The following CACNG1 variants were observed in gnomAD, a reference collection of about 807,000 sequenced individuals.
CACNG1 encodes voltage-dependent calcium channel gamma-1 subunit.
A neutral mutation model predicts 22.0 loss-of-function variants in CACNG1; 21 were observed. That is an observed-to-expected ratio of 0.95 (90% CI 0.68 to 1.37). CACNG1 has a LOEUF of 1.37. Among genes scored for constraint, CACNG1 ranks in the 40% most tolerant of loss-of-function variants. CACNG1 has a pLI of 0.00. For synonymous variants in CACNG1, 127 were observed against 129.2 expected (o/e 0.98, Z 0.12); for missense variants, 291 against 308.6 (o/e 0.94, Z 0.43).
In CACNG1 at chr17:67,054,147, T is replaced by C. The variant is rs2035744350; in HGVS notation, c.304+77T>C. On this transcript the variant is annotated intron_variant, in intron 2 of 3. Coordinates refer to ENST00000226021, the MANE Select transcript of CACNG1 (RefSeq NM_000727.4). The surrounding 1 kb of genome is among the most constrained non-coding windows in gnomAD (Gnocchi z 4.6). ...GTGCACCACTGGGCCAGAAAGTCAT[T>C]GGCAAAAGCACTGACTTCCTCACGC... 2.5e-6 allele frequency: 3 copies of C among 1,182,226 alleles called. No individual in the cohort carries two copies. Among genetic ancestry groups the C allele is most frequent in the African/African-American group, 3.0e-5 (2 of 66,504 alleles). 73.2% of individuals were successfully genotyped at this position (1,182,226 alleles called of 1,614,324 possible). A position where few individuals can be genotyped will look rare whatever the true frequency, so the allele number is the denominator to read the frequency against.
rs139913144 is a variant in CACNG1, at chr17:67,044,874, A to G, written c.214A>G (p.Ile72Val). 828 of 1,612,778 alleles carry G rather than the reference A, an allele frequency of 5.1e-4. No homozygotes were observed. The highest frequency in any genetic ancestry group is 6.8e-4 in the Non-Finnish European group (797 of 1,179,814). The change falls in exon 1 of 4, where the codon ATC becomes GTC. Residue 72 changes from isoleucine (I) to valine (V), a missense_variant. By Grantham distance (29) the Ile-to-Val change is conservative (BLOSUM62 3). Coordinates refer to ENST00000226021, the MANE Select transcript of CACNG1 (RefSeq NM_000727.4). The surrounding 1 kb of genome is among the most constrained non-coding windows in gnomAD (Gnocchi z 6.9). ...PMDDSKTCGP[I>V]TLPGEKNCSY... Reference sequence around the variant, plus strand: ...GGACGACAGCAAGACCTGCGGGCCCATCACCCTGCCCGGGGGTAACGTACC... The same window carrying G: ...GGACGACAGCAAGACCTGCGGGCCCGTCACCCTGCCCGGGGGTAACGTACC...
intron 1 of CACNG1, among the ~76,000 whole-genome samples, chr17:67,052,752 C>T (rs973814193): frequency 1.3e-5 from 2 of 151,522 alleles, no homozygotes; most frequent in Non-Finnish European, 2.9e-5. Flanking sequence ...AGAAGATAAA[C>T]CGTATTTAGC....
chr17:67,052,709 A>C (rs2035735005), intron 1 of CACNG1, among the ~76,000 whole-genome samples: 1 of 152,220 alleles, frequency 6.6e-6, no homozygotes, highest in Admixed American at 6.5e-5. Flanking sequence ...AATATAAAAT[A>C]ACCCATTCAT....
rs371885900 is a variant in CACNG1 at position 67,056,227 on chromosome 17, C to A, written c.625C>A (p.Arg209=). 1.9e-6 allele frequency: 3 copies of A among 1,613,924 alleles called. No homozygotes were observed. In the African/African-American group the frequency reaches 4.0e-5, roughly 22 times the overall value. Reference sequence around the variant, plus strand: ...GCTGTTCTCCCTGCCTCGAATGCCCCGGAACCCATGGGAGTCCTGCATGGA... The same window carrying A: ...GCTGTTCTCCCTGCCTCGAATGCCCAGGAACCCATGGGAGTCCTGCATGGA... ...LLLFSLPRMP[R]NPWESCMDAE... The change falls in exon 4 of 4, where the codon CGG becomes AGG. Residue 209 remains arginine (R), a synonymous_variant. Transcript: ENST00000226021. The surrounding 1 kb of genome is among the most constrained non-coding windows in gnomAD (Gnocchi z 4.3).
intron 1 of CACNG1, among the ~76,000 whole-genome samples, chr17:67,048,961 C>T (rs1202040431): frequency 6.6e-6 from 1 of 151,712 alleles, no homozygotes; most frequent in Non-Finnish European, 1.5e-5. Context: ...AAAGGGAGTC[C>T]CAGAAGGAGA....
chr17:67,054,264 C>T lies in CACNG1; in HGVS notation c.304+194C>T, dbSNP rs1298088223. ...AGGCAGCCGCCTTCCATCTCCAGGG[C>T]CCGGAGCTTCCACACCTCGGGGCCA... On this transcript the variant is annotated intron_variant, in intron 2 of 3. Transcript: ENST00000226021. This position sits in a 1 kb window ranked among gnomAD's most constrained non-coding sequence, Gnocchi z 4.6. Among the ~76,000 whole-genome samples the T allele has an allele frequency of 1.3e-5, 2 of 152,230 alleles. No individual in the cohort carries two copies. Among genetic ancestry groups the T allele is most frequent in the African/African-American group, 2.4e-5 (1 of 41,466 alleles).
chr17:67,045,630 C>T (rs555524290), intron 1 of CACNG1, among the ~76,000 whole-genome samples: 1 of 148,884 alleles, frequency 6.7e-6, no homozygotes, highest in South Asian at 2.1e-4. Context: ...TCAAGCGATT[C>T]TCCTGCCTCA....
chr17:67,056,027 G>A lies in CACNG1; in HGVS notation c.443-18G>A. ...CAGACGCCCCTCGGTCCCTGAGCAT[G>A]CCTGGCTCTGCCCCCAGGTCTCTGC... is the stretch of plus-strand genomic sequence containing the variant. On this transcript the variant is annotated intron_variant, in intron 3 of 3. Transcript: ENST00000226021. The surrounding 1 kb of genome is among the most constrained non-coding windows in gnomAD (Gnocchi z 4.3). The A allele has an allele frequency of 6.3e-7, 1 of 1,599,500 alleles. No individual in the cohort carries two copies. Among genetic ancestry groups the A allele is most frequent in the Non-Finnish European group, 8.5e-7 (1 of 1,172,782 alleles).
At chr17:67,053,544 G>A (rs572070011) in intron 1 of CACNG1, among the ~76,000 whole-genome samples, 4 of 152,342 alleles carry the variant, frequency 2.6e-5, no homozygotes, top group South Asian at 4.1e-4. Context: ...GGCCTCTACC[G>A]GCTGGGTGCC....
At position 67,054,108 on chromosome 17, in the gene CACNG1, G is replaced by A. The variant is rs753774873; in HGVS notation, c.304+38G>A. 3.3e-6 allele frequency: 5 copies of A among 1,537,534 alleles called. No individual in the cohort carries two copies. The highest frequency in any genetic ancestry group is 3.6e-6 in the Non-Finnish European group (4 of 1,110,282). On this transcript the variant is annotated intron_variant, in intron 2 of 3. Transcript: ENST00000226021. This position sits in a 1 kb window ranked among gnomAD's most constrained non-coding sequence, Gnocchi z 4.6. ...GGAAAGGGGTCTGGGGTGACAAGAGGGGACTTCTGTGTTGTGCACCACTGG... is the reference window on the plus strand; with the variant it reads ...GGAAAGGGGTCTGGGGTGACAAGAGAGGACTTCTGTGTTGTGCACCACTGG...
chr17:67,044,865 T>G lies in CACNG1; in HGVS notation c.205T>G (p.Cys69Gly). 6.2e-7 allele frequency: 1 copy of G among 1,613,070 alleles called. No individual in the cohort carries two copies. The highest frequency in any genetic ancestry group is 2.2e-5 in the East Asian group (1 of 44,864). Reference sequence around the variant, plus strand: ...CATCCCCATGGACGACAGCAAGACCTGCGGGCCCATCACCCTGCCCGGGGG... The same window carrying G: ...CATCCCCATGGACGACAGCAAGACCGGCGGGCCCATCACCCTGCCCGGGGG... Reference protein sequence around the residue: ...KRIPMDDSKTCGPITLPGEKN... With the variant: ...KRIPMDDSKTGGPITLPGEKN... The change falls in exon 1 of 4, where the codon TGC becomes GGC. Residue 69 changes from cysteine to glycine, a missense_variant. Cys to Gly is a radical substitution (Grantham distance 159, BLOSUM62 -3). Coordinates refer to ENST00000226021, the MANE Select transcript of CACNG1 (RefSeq NM_000727.4). The surrounding 1 kb of genome is among the most constrained non-coding windows in gnomAD (Gnocchi z 6.9).
intron 1 of CACNG1, among the ~76,000 whole-genome samples, chr17:67,052,234 G>A (rs1210259633): frequency 2.0e-5 from 3 of 152,154 alleles, no homozygotes; most frequent in Admixed American, 6.5e-5. Flanking sequence ...CCCAGGTAAC[G>A]CGGTTCAAAA....
intron 1 of CACNG1, among the ~76,000 whole-genome samples, chr17:67,047,597 G>A (rs2035704513): frequency 6.6e-6 from 1 of 152,178 alleles, no homozygotes; most frequent in Admixed American, 6.5e-5. Context: ...AGCTGTTTCT[G>A]TTTGACCTGA....
In CACNG1 at chr17:67,056,536, A is replaced by C; in HGVS notation, c.*265A>C. 3.8e-6 allele frequency: 2 copies of C among 521,932 alleles called. No individual in the cohort carries two copies. The highest frequency in any genetic ancestry group is 4.5e-5 in the South Asian group (2 of 44,330). The allele number at this position is 521,932 out of a possible 1,614,324, so 32.3% of individuals were successfully genotyped here. On this transcript the variant is annotated 3_prime_UTR_variant, in exon 4 of 4. Coordinates refer to ENST00000226021, the MANE Select transcript of CACNG1 (RefSeq NM_000727.4). The surrounding 1 kb of genome is among the most constrained non-coding windows in gnomAD (Gnocchi z 4.3). ...GTGGACAGGTGTTTGCAGGGGCCCA[A>C]CTTCCCCTGGAGCTCAGAGGTGTCC...
intron 1 of CACNG1, among the ~76,000 whole-genome samples, chr17:67,046,732 C>T (rs1370393396): frequency 6.6e-6 from 1 of 152,204 alleles, no homozygotes; most frequent in African/African-American, 2.4e-5. Context: ...TGTTACAGTC[C>T]TGTTCACCCG....
Position 67,044,705 on chromosome 17 carries a change from C to T in CACNG1, c.45C>T (p.Cys15=), listed in dbSNP as rs138597553. 2.8e-5 allele frequency: 45 copies of T among 1,611,076 alleles called. No individual in the cohort carries two copies. In the African/African-American group the frequency reaches 4.8e-4, roughly 17 times the overall value. The change falls in exon 1 of 4, where the codon TGC becomes TGT. Residue 15 remains cysteine, a synonymous_variant. Coordinates refer to ENST00000226021, the MANE Select transcript of CACNG1 (RefSeq NM_000727.4). This position sits in a 1 kb window ranked among gnomAD's most constrained non-coding sequence, Gnocchi z 6.9. ...KMLKVRVTLF[C]ILAGIVLAMT... ...TGAAGGTCCGCGTGACCCTCTTCTG[C>T]ATCCTGGCAGGCATCGTGCTGGCCA...
At chr17:67,047,116 A>G (rs1392040310) in intron 1 of CACNG1, among the ~76,000 whole-genome samples, 4 of 152,096 alleles carry the variant, frequency 2.6e-5, no homozygotes, top group Non-Finnish European at 4.4e-5. Context: ...CCCGTCATCT[A>G]TTATTAACAA....
At chr17:67,052,494 A>G (rs2035733725) in intron 1 of CACNG1, among the ~76,000 whole-genome samples, 1 of 152,196 alleles carries the variant, frequency 6.6e-6, no homozygotes, top group Admixed American at 6.5e-5. Flanking sequence ...CTGCAGGTAC[A>G]TTTCCAGAAA....
Position 67,054,825 on chromosome 17 carries a change from CAG to C in CACNG1, c.305-274_305-273del, listed in dbSNP as rs1039862942. ...ACACACACGTACAATGACACAGACACAGAGACACACACTGACACACACGTACA... is the reference window on the plus strand; with the variant it reads ...ACACACACGTACAATGACACAGACACAGACACACACTGACACACACGTACA... On this transcript the variant is annotated intron_variant, in intron 2 of 3. Coordinates refer to ENST00000226021, the MANE Select transcript of CACNG1 (RefSeq NM_000727.4). The surrounding 1 kb of genome is among the most constrained non-coding windows in gnomAD (Gnocchi z 4.6). Among the ~76,000 whole-genome samples, 10 of 151,800 alleles carry C rather than the reference CAG, an allele frequency of 6.6e-5. No individual in the cohort carries two copies. Among genetic ancestry groups the C allele is most frequent in the East Asian group, 3.9e-4 (2 of 5,180 alleles).
Sources: gnomAD v4.1 joint callset for allele counts (sites outside exome capture counted in the v4.1 genomes callset) on GRCh38, gnomAD v4.1.1 for gene constraint, Gnocchi (gnomAD v3.1) non-coding constraint, MANE v1.5 for transcripts, NCBI Gene and HGNC (gene_info 2026-07-23, HGNC 2026-07-21) for gene names.